The following CAPN8 variants were observed in gnomAD, a reference collection of about 807,000 sequenced individuals.
CAPN8 encodes calpain 8.
In CAPN8, 87 loss-of-function variants were observed where a neutral mutation model predicts 80.9. The ratio of observed to expected loss-of-function variants is 1.07; its 90% CI spans 0.90 to 1.28. The LOEUF (loss-of-function observed/expected upper bound fraction) is 1.28. Among genes scored for constraint, CAPN8 ranks in the 50% most tolerant of loss-of-function variants. The pLI is 0.00. For missense variants in CAPN8, 757 were observed against 702.0 expected (o/e 1.08, Z -0.89); for synonymous variants, 299 against 273.8 (o/e 1.09, Z -0.91).
chr1:223,635,199 T>G (rs1483131449), intron 2 of CAPN8, among the ~76,000 whole-genome samples: 3 of 152,216 alleles, frequency 2.0e-5, no homozygotes, highest in African/African-American at 7.2e-5. Flanking sequence ...CTAAATGTTT[T>G]TATACACAGG....
At chr1:223,549,218 T>C (rs891390969) in intron 16 of CAPN8, 100 bp downstream of exon 16, 1 of 1,472,200 alleles carries the variant, frequency 6.8e-7, no homozygotes, top group Non-Finnish European at 9.1e-7. Flanking sequence ...CCCCTTCTCA[T>C]TTTTTACCCG....
At chr1:223,628,979 G>A (rs1004691434) in intron 2 of CAPN8, 199 bp from the exon 3 acceptor site, 7 of 568,060 alleles carry the variant, frequency 1.2e-5, no homozygotes, top group Non-Finnish European at 1.9e-5. Context: ...TTACTCGGGA[G>A]TGGATCCTCT....
chr1:223,648,747 A>G (rs1658262258), intron 2 of CAPN8, among the ~76,000 whole-genome samples: 1 of 152,240 alleles, frequency 6.6e-6, no homozygotes, highest in Non-Finnish European at 1.5e-5. Flanking sequence ...AACTCAATAA[A>G]TGCAACAAAA....
intron 14 of CAPN8, 136 bp from the exon 15 acceptor site, chr1:223,551,153 G>GTT: frequency 5.2e-6 from 3 of 573,774 alleles, no homozygotes; most frequent in East Asian, 3.0e-5. Context: ...TTTGTTTTTT[G>GTT]TTTTTTTTTG....
At position 223,541,664 on chromosome 1, in the gene CAPN8, G is replaced by A. The variant is rs369572111; in HGVS notation, c.*172C>T. 426 of 933,896 alleles carry A rather than the reference G, an allele frequency of 4.6e-4. 1 individual carries two copies. Among genetic ancestry groups the A allele is most frequent in the African/African-American group, 4.4e-3 (270 of 61,172 alleles). 57.9% of individuals were successfully genotyped at this position (933,896 alleles called of 1,614,324 possible). A position where few individuals can be genotyped will look rare whatever the true frequency, so the allele number is the denominator to read the frequency against. Reference sequence around the variant, plus strand: ...TTGCTTTCCCTCCACTGGGCCCACCGGGTCGGCTTACATAGCTCATAGCTC... The same window carrying A: ...TTGCTTTCCCTCCACTGGGCCCACCAGGTCGGCTTACATAGCTCATAGCTC... On this transcript the variant is annotated 3_prime_UTR_variant, in exon 21 of 21. Transcript: ENST00000366872.
In CAPN8 at chr1:223,628,675, A is replaced by T; in HGVS notation, c.413T>A (p.Ile138Asn). The T allele has an allele frequency of 6.4e-7, 1 of 1,551,374 alleles. No homozygotes were observed. Among genetic ancestry groups the T allele is most frequent in the Non-Finnish European group, 8.7e-7 (1 of 1,146,654 alleles). The change falls in exon 3 of 21, where the codon ATC becomes AAC. Residue 138 changes from isoleucine (I) to asparagine (N), a missense_variant. Physicochemically the swap from Ile to Asn is moderately radical, Grantham distance 149. Transcript: ENST00000366872. ...DQDFQENYAGIFHFQFWQYGE... is the reference protein window; with the variant it reads ...DQDFQENYAGNFHFQFWQYGE... The stretch of plus-strand genomic sequence containing the variant: ...AGAGCACAGTACCTGAAAGTGAAAG[A>T]TTCCCGCATAGTTCTCCTGGAAGTC...
intron 2 of CAPN8, among the ~76,000 whole-genome samples, chr1:223,630,768 G>A (rs1032158959): frequency 6.6e-6 from 1 of 152,048 alleles, no homozygotes; most frequent in Non-Finnish European, 1.5e-5. Context: ...GACTAGACCT[G>A]GTAGTCGAGG....
chr1:223,629,232 T>TGTGTGTGTGTGTGTGTGTGTGTGTG (rs68132305), intron 2 of CAPN8, among the ~76,000 whole-genome samples: 10 of 132,624 alleles, frequency 7.5e-5, no homozygotes, highest in East Asian at 2.5e-4. Flanking sequence ...GTGTGTGTGT[T>TGTGTGTGTGTGTGTGTGTGTGTGTG]TATGTTCCTT....
At chr1:223,652,958 C>T (rs944336610) in intron 2 of CAPN8, among the ~76,000 whole-genome samples, 4 of 151,980 alleles carry the variant, frequency 2.6e-5, no homozygotes, top group Admixed American at 1.3e-4. Flanking sequence ...TTGCTTAAAA[C>T]TATTCAAAGA....
rs946075339 is a variant in CAPN8 at position 223,626,060 on chromosome 1, T to C, written c.730-172A>G. On this transcript the variant is annotated intron_variant, in intron 5 of 20. Coordinates refer to ENST00000366872, the MANE Select transcript of CAPN8 (RefSeq NM_001143962.2). The stretch of plus-strand genomic sequence containing the variant: ...GAGTCATCTCCATCCAGACTCCCTC[T>C]TTAATTAGGCCTGTAGTTCCGGGCC... Among the ~76,000 whole-genome samples, 18 of 152,186 alleles carry C rather than the reference T, an allele frequency of 1.2e-4. 1 individual carries two copies. In the South Asian group the frequency reaches 3.7e-3, roughly 32 times the overall value.
intron 1 of CAPN8, among the ~76,000 whole-genome samples, chr1:223,661,037 G>C (rs111942151): frequency 6.6e-6 from 1 of 151,734 alleles, no homozygotes; most frequent in Non-Finnish European, 1.5e-5. Context: ...TTGGTGGCAG[G>C]AGCCTGTGGT....
intron 4 of CAPN8, among the ~76,000 whole-genome samples, 191 bp downstream of exon 4, chr1:223,627,818 A>G (rs1657635480): frequency 6.6e-6 from 1 of 152,152 alleles, no homozygotes; most frequent in African/African-American, 2.4e-5. Context: ...CTGAGATGCT[A>G]AACTCCCCGC....
chr1:223,627,093 C>T lies in CAPN8; in HGVS notation c.625G>A (p.Gly209Ser), dbSNP rs146495069. The T allele has an allele frequency of 6.4e-7, 1 of 1,552,326 alleles. No homozygotes were observed. Among genetic ancestry groups the T allele is most frequent in the African/African-American group, 1.4e-5 (1 of 73,180 alleles). Residue 209 changes from glycine to serine, a missense_variant, in exon 5 of 21, where the codon GGT (glycine) becomes AGT (serine). Transcript: ENST00000366872. Reference sequence around the variant, plus strand: ...AGGTCATAAAACTCAGAGATGCCACCTGTGAAATCCTCAAACCCCTCCACT... The same window carrying T: ...AGGTCATAAAACTCAGAGATGCCACTTGTGAAATCCTCAAACCCCTCCACT... ...STVEGFEDFT[G>S]GISEFYDLKK...
At chr1:223,618,240 C>T (rs1657260376) in intron 9 of CAPN8, 2 of 1,550,468 alleles carry the variant, frequency 1.3e-6, no homozygotes, top group South Asian at 2.4e-5. Flanking sequence ...TCCTGAGTTT[C>T]TTCATCAGGT....
Position 223,544,811 on chromosome 1 carries a change from T to A in CAPN8, c.1873A>T (p.Ile625Phe). 4 of 1,551,720 alleles carry A rather than the reference T, an allele frequency of 2.6e-6. No homozygotes were observed. Among genetic ancestry groups the A allele is most frequent in the Non-Finnish European group, 3.5e-6 (4 of 1,147,000 alleles). Residue 625 changes from isoleucine to phenylalanine, a missense_variant, in exon 18 of 21, where the codon ATC (isoleucine) becomes TTC (phenylalanine). Coordinates refer to ENST00000366872, the MANE Select transcript of CAPN8 (RefSeq NM_001143962.2). ...GCTGTCCTCATCTCGTGGGCATCGA[T>A]GGTGCCCGAGTGGTTATAATCAGTT... ...WETDYNHSGT[I>F]DAHEMRTALR...
intron 7 of CAPN8, among the ~76,000 whole-genome samples, chr1:223,620,499 G>A (rs1187642173): frequency 6.6e-6 from 1 of 152,120 alleles, no homozygotes; most frequent in African/African-American, 2.4e-5. Flanking sequence ...ACATGTGCCA[G>A]GAACATTATG....
At chr1:223,652,217 C>T (rs1482098320) in intron 2 of CAPN8, among the ~76,000 whole-genome samples, 2 of 152,068 alleles carry the variant, frequency 1.3e-5, no homozygotes, top group Non-Finnish European at 2.9e-5. Flanking sequence ...TGGTGCATGC[C>T]TGCTGTCTCA....
chr1:223,622,866 C>T lies in CAPN8; in HGVS notation c.848G>A (p.Arg283Lys). 6.4e-7 allele frequency: 1 copy of T among 1,551,766 alleles called. No homozygotes were observed. Among genetic ancestry groups the T allele is most frequent in the South Asian group, 1.2e-5 (1 of 84,056 alleles). ...CACTTCACCCCATGGATTCCTGAGT[C>T]TGATCAGCTTCTCTGGATGGCCCTG... The part of the protein sequence containing the change: ...NFQGHPEKLI[R>K]LRNPWGEVEW... Residue 283 changes from arginine (R) to lysine (K), a missense_variant, in exon 7 of 21, where the codon AGA becomes AAA. Arg to Lys is a conservative substitution (Grantham distance 26). Transcript: ENST00000366872.
Position 223,545,235 on chromosome 1 carries a change from T to C in CAPN8, c.1829A>G (p.Tyr610Cys). Reference sequence around the variant, plus strand: ...CCAGAAGGAAAAGAGAGTTACCAGATACTTCTGAATCTTCAGCCAGAGCGT... The same window carrying C: ...CCAGAAGGAAAAGAGAGTTACCAGACACTTCTGAATCTTCAGCCAGAGCGT... ...FKTLWLKIQKYLEIYWETDYN... is the reference protein window; with the variant it reads ...FKTLWLKIQKCLEIYWETDYN... Residue 610 changes from tyrosine to cysteine, a missense_variant, in exon 17 of 21, where the codon TAT becomes TGT. Transcript: ENST00000366872. The C allele has an allele frequency of 6.4e-7, 1 of 1,551,686 alleles. No individual in the cohort carries two copies. The highest frequency in any genetic ancestry group is 8.7e-7 in the Non-Finnish European group (1 of 1,146,978).
Sources: gnomAD v4.1 joint callset for allele counts (sites outside exome capture counted in the v4.1 genomes callset) on GRCh38, gnomAD v4.1.1 for gene constraint, MANE v1.5 for transcripts, NCBI Gene and HGNC (gene_info 2026-07-23, HGNC 2026-07-21) for gene names.